The following ADORA2B variants were observed in gnomAD, a reference collection of about 807,000 sequenced individuals.
The protein encoded by ADORA2B is adenosine receptor A2b.
Under a neutral mutation model 20.8 loss-of-function variants are expected in ADORA2B, and 18 were observed. That is an observed-to-expected ratio of 0.87 (90% CI 0.60 to 1.29). ADORA2B has a LOEUF of 1.29. Ranked by LOEUF, ADORA2B falls within the 50% of genes most tolerant of loss-of-function variation. The pLI is 0.00. For missense variants in ADORA2B, 441 were observed against 422.7 expected, an observed-to-expected ratio of 1.04 and a Z score of -0.38; for synonymous variants, 179 against 178.3, an observed-to-expected ratio of 1.00 and a Z score of -0.03.
chr17:15,861,165 A>T, the ADORA2B span, among the ~76,000 whole-genome samples: 1 of 152,216 alleles, frequency 6.6e-6, no homozygotes, highest in Non-Finnish European at 1.5e-5. Context: ...TAAAAGGAGG[A>T]TGCTGGACAG....
intron 1 of ADORA2B, among the ~76,000 whole-genome samples, chr17:15,950,174 G>T (rs534865618): frequency 6.6e-6 from 1 of 152,318 alleles, no homozygotes; most frequent in South Asian, 2.1e-4. Flanking sequence ...TAATGCATTT[G>T]CACTCTTAGA....
At chr17:15,932,470 G>A in the ADORA2B span, among the ~76,000 whole-genome samples, 1 of 149,604 alleles carries the variant, frequency 6.7e-6, no homozygotes, top group Non-Finnish European at 1.5e-5. Flanking sequence ...TCCAGCCTGG[G>A]CGACAGAGCA....
chr17:15,923,652 C>T, the ADORA2B span, among the ~76,000 whole-genome samples: 4 of 152,096 alleles, frequency 2.6e-5, no homozygotes, highest in African/African-American at 2.4e-5. Context: ...GTGATCCACG[C>T]GCTTCGGCCT....
chr17:15,896,890 A>T, the ADORA2B span, among the ~76,000 whole-genome samples: 2 of 152,218 alleles, frequency 1.3e-5, no homozygotes, highest in African/African-American at 4.8e-5. Flanking sequence ...GTACTCTGTT[A>T]CATGGTCCCA....
chr17:15,974,512 T>C, intron 1 of ADORA2B, 167 bp from the exon 2 acceptor site: 1 of 588,106 alleles, frequency 1.7e-6, no homozygotes, highest in East Asian at 2.8e-5. Context: ...GCAAAGCTGC[T>C]CATCCCTGCT....
chr17:15,959,709 C>T (rs1257914538), intron 1 of ADORA2B, among the ~76,000 whole-genome samples: 1 of 152,130 alleles, frequency 6.6e-6, no homozygotes, highest in African/African-American at 2.4e-5. Context: ...CCATGTTGGC[C>T]AGGCTGGTCG....
At chr17:15,850,966 T>C in the ADORA2B span, among the ~76,000 whole-genome samples, 2 of 152,222 alleles carry the variant, frequency 1.3e-5, no homozygotes, top group Admixed American at 6.5e-5. Context: ...TCAACAAATA[T>C]TTGTTGAATG....
At chr17:15,862,975 A>G in the ADORA2B span, among the ~76,000 whole-genome samples, 1 of 152,198 alleles carries the variant, frequency 6.6e-6, no homozygotes, top group Non-Finnish European at 1.5e-5. Flanking sequence ...TGAATAAGCT[A>G]GGACTTATTG....
chr17:15,855,034 A>G, the ADORA2B span, among the ~76,000 whole-genome samples: 26 of 151,922 alleles, frequency 1.7e-4, no homozygotes, highest in African/African-American at 5.8e-4. Flanking sequence ...GGTTCAAGCA[A>G]TTCTCCTGCC....
In ADORA2B at chr17:15,974,796, C is replaced by T. The variant is rs1970229180; in HGVS notation, c.453C>T (p.Thr151=). 6.7e-7 allele frequency: 1 copy of T among 1,482,626 alleles called. No homozygotes were observed. Among genetic ancestry groups the T allele is most frequent in the African/African-American group, 1.5e-5 (1 of 66,376 alleles). 91.8% of individuals were successfully genotyped at this position (1,482,626 alleles called of 1,614,324 possible). The part of the protein sequence containing the change: ...FLGWNSKDSA[T]NNCTEPWDGT... ...GGTGGAACAGTAAAGACAGTGCCACCAACAACTGCACAGAACCCTGGGATG... is the reference window on the plus strand; with the variant it reads ...GGTGGAACAGTAAAGACAGTGCCACTAACAACTGCACAGAACCCTGGGATG... The change falls in exon 2 of 2, where the codon ACC becomes ACT. Residue 151 remains threonine, a synonymous_variant. Coordinates refer to ENST00000304222, the MANE Select transcript of ADORA2B (RefSeq NM_000676.4).
At chr17:15,876,094 A>G in the ADORA2B span, among the ~76,000 whole-genome samples, 3 of 150,794 alleles carry the variant, frequency 2.0e-5, no homozygotes, top group Admixed American at 2.0e-4. Context: ...TGTGTCCTAC[A>G]TCCTATTCTT....
intron 1 of ADORA2B, among the ~76,000 whole-genome samples, chr17:15,958,977 A>C (rs973286446): frequency 6.6e-6 from 1 of 152,204 alleles, no homozygotes; most frequent in Non-Finnish European, 1.5e-5. Flanking sequence ...ATACATGTGC[A>C]TGCAAATGTA....
the ADORA2B span, among the ~76,000 whole-genome samples, chr17:15,874,095 T>TATATATATGTATATATATGTATAC: frequency 6.9e-6 from 1 of 145,888 alleles, no homozygotes; most frequent in African/African-American, 2.7e-5. Context: ...TATATATGTA[T>TATATATATGTATATATATGTATAC]ACACACACAC....
At chr17:15,856,121 T>C in the ADORA2B span, among the ~76,000 whole-genome samples, 1 of 151,998 alleles carries the variant, frequency 6.6e-6, no homozygotes, top group African/African-American at 2.4e-5. Context: ...TGGGATGTGA[T>C]GGGGTCCATT....
At chr17:15,874,042 G>GTGTGTATATATA in the ADORA2B span, among the ~76,000 whole-genome samples, 20 of 134,798 alleles carry the variant, frequency 1.5e-4, no homozygotes, top group African/African-American at 6.1e-4. Flanking sequence ...ATATATATGT[G>GTGTGTATATATA]TATATATATA....
At chr17:15,974,612 TGG>T in intron 1 of ADORA2B, 65 bp from the exon 2 acceptor site, 1 of 1,391,328 alleles carries the variant, frequency 7.2e-7, no homozygotes, top group Middle Eastern at 2.0e-4. Context: ...AAAGAGGAGG[TGG>T]GGTCTTGGAT....
chr17:15,974,884 T>C lies in ADORA2B; in HGVS notation c.541T>C (p.Tyr181His). Residue 181 changes from tyrosine to histidine, a missense_variant, in exon 2 of 2, where the codon TAC becomes CAC. Transcript: ENST00000304222. The stretch of plus-strand genomic sequence containing the variant: ...CTTTGAGAATGTGGTCCCCATGAGC[T>C]ACATGGTATATTTCAATTTCTTTGG... The part of the protein sequence containing the change: ...CLFENVVPMS[Y>H]MVYFNFFGCV... 6.2e-7 allele frequency: 1 copy of C among 1,614,218 alleles called. No individual in the cohort carries two copies. Among genetic ancestry groups the C allele is most frequent in the Non-Finnish European group, 8.5e-7 (1 of 1,180,034 alleles).
At chr17:15,966,841 G>T (rs182454761) in intron 1 of ADORA2B, among the ~76,000 whole-genome samples, 1 of 152,184 alleles carries the variant, frequency 6.6e-6, no homozygotes, top group Non-Finnish European at 1.5e-5. Context: ...CTTTTCAGTC[G>T]CCTGTTATTC....
chr17:15,885,843 A>C, the ADORA2B span, among the ~76,000 whole-genome samples: 86 of 152,366 alleles, frequency 5.6e-4, no homozygotes, highest in African/African-American at 2.0e-3. Context: ...CTAAAGGCAG[A>C]AAAGTTGAGT....
Sources: allele counts gnomAD v4.1 joint callset (sites outside exome capture counted in the v4.1 genomes callset), GRCh38; gene constraint gnomAD v4.1.1; transcripts MANE v1.5; gene names NCBI Gene and HGNC (gene_info 2026-07-23, HGNC 2026-07-21).